SLC9A9: variants seen among roughly 807,000 people sequenced by gnomAD.
SLC9A9 encodes solute carrier family 9 member A9, also known as sodium/hydrogen exchanger 9.
A neutral mutation model predicts 77.8 loss-of-function variants in SLC9A9; 62 were observed. The observed-to-expected ratio is 0.80, with a 90% CI of 0.65 to 0.98. The LOEUF is 0.98. SLC9A9 is among the 50% of genes least tolerant of loss of function. The pLI is 0.00. For missense variants in SLC9A9, 775 were observed against 774.9 expected, an observed-to-expected ratio of 1.00 and a Z score of 0.00; for synonymous variants, 320 against 283.5, an observed-to-expected ratio of 1.13 and a Z score of -1.29.
chr3:143,758,230 A>T (rs997139260), intron 4 of SLC9A9, among the ~76,000 whole-genome samples: 1 of 152,220 alleles, frequency 6.6e-6, no homozygotes, highest in Non-Finnish European at 1.5e-5. Context: ...GCTCCCTTAA[A>T]TGAAAATCTT....
chr3:143,495,380 C>T lies in SLC9A9; in HGVS notation c.1158G>A (p.Thr386=), dbSNP rs140335350. Residue 386 remains threonine (T), a synonymous_variant, in exon 10 of 16, where the codon ACG becomes ACA. Transcript: ENST00000316549. ...GAGCATTAAAGATATGATTCTGGAACGTGAACAGTGCCAGGCCCATGTAAC... is the reference window on the plus strand; with the variant it reads ...GAGCATTAAAGATATGATTCTGGAATGTGAACAGTGCCAGGCCCATGTAAC... ...IFCYMGLALF[T]FQNHIFNALF... 362 of 1,614,144 alleles carry T rather than the reference C, an allele frequency of 2.2e-4. 1 individual carries two copies. The highest frequency in any genetic ancestry group is 2.1e-3 in the African/African-American group (154 of 75,048).
At chr3:143,536,075 G>T (rs2036584857) in intron 9 of SLC9A9, among the ~76,000 whole-genome samples, 1 of 152,194 alleles carries the variant, frequency 6.6e-6, no homozygotes, top group Non-Finnish European at 1.5e-5. Context: ...TAATAGAATA[G>T]ATAGCAAAGG....
intron 6 of SLC9A9, among the ~76,000 whole-genome samples, chr3:143,626,454 A>G (rs1314115425): frequency 6.6e-6 from 1 of 152,234 alleles, no homozygotes; most frequent in East Asian, 1.9e-4. Flanking sequence ...TGATGAGTTC[A>G]TATCCTTTGT....
At chr3:143,673,816 T>G (rs952141281) in intron 5 of SLC9A9, among the ~76,000 whole-genome samples, 6 of 152,212 alleles carry the variant, frequency 3.9e-5, no homozygotes, top group Admixed American at 2.6e-4. Context: ...TAGTAGCTAT[T>G]ACAAAAAGCA....
intron 2 of SLC9A9, among the ~76,000 whole-genome samples, chr3:143,829,285 G>A (rs1346698149): frequency 6.6e-6 from 1 of 151,958 alleles, no homozygotes; most frequent in Non-Finnish European, 1.5e-5. Flanking sequence ...TTAAAATCCT[G>A]GAAACTTAGA....
intron 12 of SLC9A9, among the ~76,000 whole-genome samples, chr3:143,423,669 A>G (rs563700531): frequency 4.8e-4 from 73 of 152,334 alleles, no homozygotes; most frequent in African/African-American, 1.7e-3. Context: ...GAATGACTTG[A>G]AAGTTGATGA....
intron 6 of SLC9A9, among the ~76,000 whole-genome samples, chr3:143,606,430 CTCTCTCTATATATA>C (rs1447495865): frequency 0.012 from 761 of 63,336 alleles, 9 homozygotes; most frequent in African/African-American, 0.042. Flanking sequence ...CTCTCTCTCT[CTCTCTCTATATATA>C]TATATATATA....
At chr3:143,281,374 A>T (rs77362316) in intron 14 of SLC9A9, among the ~76,000 whole-genome samples, 1 of 146,540 alleles carries the variant, frequency 6.8e-6, no homozygotes, top group South Asian at 2.1e-4. Flanking sequence ...CTATTTCATT[A>T]AAAAAAATGC....
In SLC9A9 at chr3:143,578,454, T is replaced by C; in HGVS notation, c.894+131A>G. 2.2e-6 allele frequency: 3 copies of C among 1,369,802 alleles called. No individual in the cohort carries two copies. In the East Asian group the frequency reaches 7.1e-5, roughly 33 times the overall value. 84.9% of individuals were successfully genotyped at this position (1,369,802 alleles called of 1,614,324 possible). On this transcript the variant is annotated intron_variant, in intron 7 of 15. Transcript: ENST00000316549. ...TGACTGAGAACCAAGATGGCACCAG[T>C]GGTGCCGTATGAAACTTGGACCAGA...
At chr3:143,534,144 T>C (rs529829265) in intron 9 of SLC9A9, among the ~76,000 whole-genome samples, 36 of 152,350 alleles carry the variant, frequency 2.4e-4, no homozygotes, top group Non-Finnish European at 5.0e-4. Context: ...CAGTTTATAG[T>C]AATTATATTA....
At chr3:143,831,702 C>G (rs2009439323) in intron 2 of SLC9A9, among the ~76,000 whole-genome samples, 1 of 152,136 alleles carries the variant, frequency 6.6e-6, no homozygotes, top group South Asian at 2.1e-4. Context: ...TGTGTGAAAA[C>G]TTGAATCAAG....
chr3:143,329,657 T>C (rs954935987), intron 14 of SLC9A9, among the ~76,000 whole-genome samples: 1 of 152,204 alleles, frequency 6.6e-6, no homozygotes, highest in Admixed American at 6.5e-5. Context: ...TGCTCGCCTC[T>C]CTGGCAGAGG....
chr3:143,562,633 A>G (rs2108647515), intron 8 of SLC9A9, among the ~76,000 whole-genome samples: 1 of 151,620 alleles, frequency 6.6e-6, no homozygotes, highest in Non-Finnish European at 1.5e-5. Flanking sequence ...ACATAAAATT[A>G]GAAATATAAA....
intron 2 of SLC9A9, among the ~76,000 whole-genome samples, chr3:143,798,775 G>A (rs547436105): frequency 5.3e-5 from 8 of 152,086 alleles, no homozygotes; most frequent in Middle Eastern, 3.4e-3. Flanking sequence ...TTTACACATC[G>A]GTCCCTCCCT....
intron 14 of SLC9A9, among the ~76,000 whole-genome samples, chr3:143,345,842 T>G (rs531558922): frequency 6.6e-6 from 1 of 151,984 alleles, no homozygotes; most frequent in Admixed American, 6.6e-5. Flanking sequence ...GATATGGAAA[T>G]AGTGGAGAAT....
At chr3:143,649,617 A>G (rs1054615365) in intron 6 of SLC9A9, among the ~76,000 whole-genome samples, 1 of 152,232 alleles carries the variant, frequency 6.6e-6, no homozygotes, top group Non-Finnish European at 1.5e-5. Context: ...GCTAAATACT[A>G]GAGCACAGTA....
At chr3:143,527,192 A>G (rs1324924163) in intron 9 of SLC9A9, among the ~76,000 whole-genome samples, 1 of 152,104 alleles carries the variant, frequency 6.6e-6, no homozygotes, top group African/African-American at 2.4e-5. Context: ...TTAGCTTTTT[A>G]TTTTTACCAT....
chr3:143,619,634 C>T (rs901543003), intron 6 of SLC9A9, among the ~76,000 whole-genome samples: 3 of 152,110 alleles, frequency 2.0e-5, no homozygotes, highest in Non-Finnish European at 4.4e-5. Flanking sequence ...CCTCATTTTA[C>T]CAGGACAATA....
intron 9 of SLC9A9, among the ~76,000 whole-genome samples, chr3:143,542,998 G>A: frequency 6.6e-6 from 1 of 152,154 alleles, no homozygotes; most frequent in East Asian, 1.9e-4. Context: ...TGATGTCCTG[G>A]AAGTCACTTA....
Sources: gnomAD v4.1 joint callset for allele counts (sites outside exome capture counted in the v4.1 genomes callset) on GRCh38, gnomAD v4.1.1 for gene constraint, MANE v1.5 for transcripts, NCBI Gene and HGNC (gene_info 2026-07-23, HGNC 2026-07-21) for gene names.